The following RP1 variants were observed in gnomAD, a reference collection of about 807,000 sequenced individuals.
The protein encoded by RP1 is RP1 axonemal microtubule associated.
A neutral mutation model predicts 14.8 loss-of-function variants in RP1; 16 were observed. The ratio of observed to expected loss-of-function variants is 1.08; its 90% CI spans 0.73 to 1.65. The LOEUF (loss-of-function observed/expected upper bound fraction) is 1.65. RP1 is among the 40% of genes most tolerant of loss of function. The probability of loss-of-function intolerance (pLI) is 0.00; values close to 1 mark genes in which losing one functional copy is unlikely to be tolerated. For synonymous variants in RP1, 876 were observed against 883.6 expected (o/e 0.99, Z 0.15); for missense variants, 2,631 against 2,535.0 (o/e 1.04, Z -0.81).
chr8:54,852,761 G>A (rs756465371), intron 26 of RP1: 61 of 1,227,084 alleles, frequency 5.0e-5, no homozygotes, highest in Non-Finnish European at 5.9e-5. Context: ...AGTTTTTACC[G>A]ACTATCGTTC....
intron 25 of RP1, among the ~76,000 whole-genome samples, chr8:54,843,325 A>C (rs1272722865): frequency 6.6e-6 from 1 of 152,020 alleles, no homozygotes; most frequent in African/African-American, 2.4e-5. Flanking sequence ...CAGGTGATCC[A>C]CCCGCTTCGG....
intron 24 of RP1, among the ~76,000 whole-genome samples, chr8:54,801,005 C>A (rs906940557): frequency 1.3e-5 from 2 of 152,180 alleles, no homozygotes; most frequent in Non-Finnish European, 2.9e-5. Flanking sequence ...AGCACACTTT[C>A]CTTCTGCTCT....
intron 21 of RP1, among the ~76,000 whole-genome samples, chr8:54,757,989 C>T (rs1425855352): frequency 6.6e-6 from 1 of 152,116 alleles, no homozygotes; most frequent in African/African-American, 2.4e-5. Flanking sequence ...GTTGAGACAG[C>T]ATGGAGCCAA....
In RP1 at chr8:54,723,959, G is replaced by C. The variant is rs75219540; in HGVS notation, c.2390-2386G>C. ...GCCATCCTCTGTATATAAATCATGA[G>C]ACTCTGGCTATTAGTAACCCCTCAA... On this transcript the variant is annotated intron_variant, in intron 16 of 22. Transcript: ENST00000636932. Among the ~76,000 whole-genome samples the C allele has an allele frequency of 4.3e-3, 650 of 152,234 alleles. 3 individuals are homozygous for C. Among genetic ancestry groups the C allele is most frequent in the African/African-American group, 0.015 (612 of 41,526 alleles).
rs774419715 is a variant in RP1, at chr8:54,629,282, C to T, written c.5400C>T (p.Leu1800=). 2.4e-5 allele frequency: 38 copies of T among 1,613,722 alleles called. No individual in the cohort carries two copies. The highest frequency in any genetic ancestry group is 3.1e-5 in the Non-Finnish European group (37 of 1,179,772). The change falls in exon 4 of 4, where the codon CTC becomes CTT. Residue 1800 remains leucine (L), a synonymous_variant. Transcript: ENST00000220676. ...NLAPGPTMDE[L]SSSELEELTQ... ...CCCCAGGCCCAACGATGGATGAACTCTCCTCTTCAGAACTCGAGGAACTGA... is the reference window on the plus strand; with the variant it reads ...CCCCAGGCCCAACGATGGATGAACTTTCCTCTTCAGAACTCGAGGAACTGA...
At chr8:54,857,820 C>T (rs1412684331) in intron 27 of RP1, among the ~76,000 whole-genome samples, 1 of 152,128 alleles carries the variant, frequency 6.6e-6, no homozygotes, top group East Asian at 1.9e-4. Flanking sequence ...TCCCCAGGCA[C>T]AGCTATCAAC....
intron 25 of RP1, among the ~76,000 whole-genome samples, chr8:54,851,273 T>TG (rs1812055984): frequency 6.6e-6 from 1 of 152,190 alleles, no homozygotes; most frequent in East Asian, 1.9e-4. Flanking sequence ...GGAGTTTGTG[T>TG]TCTAAATGCT....
intron 12 of RP1, among the ~76,000 whole-genome samples, chr8:54,697,643 T>C (rs547799020): frequency 1.3e-5 from 2 of 151,046 alleles, no homozygotes; most frequent in East Asian, 3.9e-4. Flanking sequence ...TCCAGCGTTT[T>C]CTCAAGGCTA....
Position 54,626,253 on chromosome 8 carries a change from A to G in RP1, c.2371A>G (p.Lys791Glu). The G allele has an allele frequency of 4.3e-6, 7 of 1,613,094 alleles. No individual in the cohort carries two copies. The highest frequency in any genetic ancestry group is 5.9e-6 in the Non-Finnish European group (7 of 1,179,418). Residue 791 changes from lysine to glutamate, a missense_variant, in exon 4 of 4, where the codon AAA (lysine) becomes GAA (glutamate). Lys to Glu is a moderately conservative substitution (Grantham distance 56). Transcript: ENST00000220676. ...AAATAAAATAAGCTTAGGAGCACCT[A>G]AAAAAAGAGAAATCGGTCAAAGAGA... ...SLNKISLGAP[K>E]KREIGQRDKV... is the part of the protein sequence containing the mutation.
At chr8:54,832,807 G>T (rs1811564327) in intron 24 of RP1, among the ~76,000 whole-genome samples, 1 of 151,914 alleles carries the variant, frequency 6.6e-6, no homozygotes, top group South Asian at 2.1e-4. Context: ...TTAGGACAGG[G>T]CTATTTCAGC....
intron 13 of RP1, among the ~76,000 whole-genome samples, chr8:54,699,908 T>C (rs1807971698): frequency 6.6e-6 from 1 of 152,196 alleles, no homozygotes; most frequent in Non-Finnish European, 1.5e-5. Context: ...GTTGCTTAGT[T>C]TAGATTTGAA....
At chr8:54,779,790 C>A (rs1810136836) in intron 23 of RP1, among the ~76,000 whole-genome samples, 1 of 152,144 alleles carries the variant, frequency 6.6e-6, no homozygotes, top group Non-Finnish European at 1.5e-5. Context: ...TCAGTCAAAT[C>A]CCCTTGCATA....
intron 7 of RP1, among the ~76,000 whole-genome samples, chr8:54,668,552 G>T: frequency 1.3e-5 from 2 of 152,124 alleles, no homozygotes; most frequent in African/African-American, 4.8e-5. Context: ...AACCAAAAAA[G>T]AGCCCACATT....
At chr8:54,798,861 T>C (rs980323772) in intron 24 of RP1, among the ~76,000 whole-genome samples, 2 of 152,158 alleles carry the variant, frequency 1.3e-5, no homozygotes, top group African/African-American at 4.8e-5. Flanking sequence ...TGTTTTCATC[T>C]TCATACATAC....
intron 1 of RP1, among the ~76,000 whole-genome samples, chr8:54,576,234 C>A (rs1299395761): frequency 6.6e-6 from 1 of 152,046 alleles, no homozygotes; most frequent in Non-Finnish European, 1.5e-5. Flanking sequence ...TTAGTAGAGA[C>A]AGGGTTTCAC....
chr8:54,711,035 G>C (rs185726513), intron 15 of RP1, among the ~76,000 whole-genome samples: 104 of 152,232 alleles, frequency 6.8e-4, no homozygotes, highest in African/African-American at 2.4e-3. Context: ...GACTCCTGTT[G>C]CTGTCAATAT....
At chr8:54,655,851 CAAATAAATAAAT>C (rs3048820) in intron 5 of RP1, among the ~76,000 whole-genome samples, 1 of 150,266 alleles carries the variant, frequency 6.7e-6, no homozygotes, top group Non-Finnish European at 1.5e-5. Flanking sequence ...GACTTTGTCT[CAAATAAATAAAT>C]AAATAAATAA....
intron 15 of RP1, among the ~76,000 whole-genome samples, chr8:54,712,932 G>A (rs1808324956): frequency 6.6e-6 from 1 of 152,136 alleles, no homozygotes; most frequent in African/African-American, 2.4e-5. Context: ...ACCCTAGTTT[G>A]CGTATGTTTA....
intron 1 of RP1, among the ~76,000 whole-genome samples, chr8:54,560,141 C>T (rs951890627): frequency 6.6e-6 from 1 of 152,088 alleles, no homozygotes; most frequent in African/African-American, 2.4e-5. Context: ...AACCCAGCTC[C>T]TCCTGGGGGA....
Sources: allele counts gnomAD v4.1 joint callset (sites outside exome capture counted in the v4.1 genomes callset), GRCh38; gene constraint gnomAD v4.1.1; transcripts MANE v1.5; gene names NCBI Gene and HGNC (gene_info 2026-07-23, HGNC 2026-07-21).